PSMA6: variants seen among roughly 807,000 people sequenced by gnomAD.
PSMA6 encodes proteasome subunit alpha type-6.
For missense variants in PSMA6, 170 were observed against 294.8 expected (o/e 0.58, Z 3.10); for synonymous variants, 88 against 97.7 (o/e 0.90, Z 0.59).
chr14:35,282,823 C>CCAGCCTGGGCAACAGAGTGAGACCCACA lies in PSMA6; in HGVS notation c.19+4131_19+4158dup, dbSNP rs1467209147. Among the ~76,000 whole-genome samples the CCAGCCTGGGCAACAGAGTGAGACCCACA allele has an allele frequency of 7.2e-5, 11 of 151,902 alleles. No homozygotes were observed. The South Asian group carries it at 2.3e-3, about 32-fold the overall frequency. On this transcript the variant is annotated intron_variant, in intron 1 of 6. Coordinates refer to the PSMA6 transcript ENST00000540871. ...TGAGCCAAGATCGAGCCACTGCACT[C>CCAGCCTGGGCAACAGAGTGAGACCCACA]CAGCCTGGGCAACAGAGTGAGACCC...
At position 35,309,653 on chromosome 14, in the gene PSMA6, A is replaced by G. The variant is rs532145343; in HGVS notation, c.253+658A>G. On this transcript the variant is annotated intron_variant, in intron 3 of 6. Transcript: ENST00000261479. Reference sequence around the variant, plus strand: ...CCAAAAATACAAAAATTAGCTGGGCATGGTGGCGCACGCACACCTGTAATC... The same window carrying G: ...CCAAAAATACAAAAATTAGCTGGGCGTGGTGGCGCACGCACACCTGTAATC... 5.0e-4 allele frequency among the ~76,000 whole-genome samples: 76 copies of G among 152,314 alleles called. 1 individual carries two copies. Among genetic ancestry groups the G allele is most frequent in the South Asian group, 3.7e-3 (18 of 4,826 alleles).
At chr14:35,278,782 T>G in intron 1 of PSMA6, 1 of 1,505,326 alleles carries the variant, frequency 6.6e-7, no homozygotes, top group South Asian at 1.2e-5. Context: ...TGAAAATAAA[T>G]CATTCTTATA....
chr14:35,310,640 G>T, intron 3 of PSMA6, 100 bp from the exon 4 acceptor site: 1 of 1,169,638 alleles, frequency 8.5e-7, no homozygotes, highest in Non-Finnish European at 1.2e-6. Flanking sequence ...TTTAACTCAT[G>T]TATGTCTATA....
upstream of PSMA6, among the ~76,000 whole-genome samples, chr14:35,287,881 G>A (rs957217290): frequency 4.6e-5 from 7 of 152,048 alleles, no homozygotes; most frequent in African/African-American, 1.5e-4. Context: ...GCTGCTGCCC[G>A]GAGCCCGTTG....
At chr14:35,296,593 T>TTC (rs567866936) in intron 1 of PSMA6, among the ~76,000 whole-genome samples, 3 of 152,096 alleles carry the variant, frequency 2.0e-5, no homozygotes, top group Middle Eastern at 3.4e-3. Flanking sequence ...CCTCCCAAAG[T>TTC]TCTGGGATTA....
At chr14:35,292,222 CACTCAA>C (rs2051494304), upstream of PSMA6, 1 of 1,044,788 alleles carries the variant, frequency 9.6e-7, no homozygotes, top group Non-Finnish European at 1.3e-6. Context: ...CACGTCTATC[CACTCAA>C]GAGGCCTGCT....
At chr14:35,287,527 G>A (rs952603313), upstream of PSMA6, among the ~76,000 whole-genome samples, 2 of 152,106 alleles carry the variant, frequency 1.3e-5, no homozygotes, top group African/African-American at 4.8e-5. Flanking sequence ...CATGTCTGCA[G>A]TCTCTGGGAA....
At chr14:35,293,151 A>T (rs965579422) in intron 1 of PSMA6, 3 of 378,700 alleles carry the variant, frequency 7.9e-6, no homozygotes, top group African/African-American at 6.3e-5. Flanking sequence ...AGTTCAAGAC[A>T]TCTTTGGGAA....
At chr14:35,307,706 C>G (rs768021593) in intron 1 of PSMA6, among the ~76,000 whole-genome samples, 2 of 152,090 alleles carry the variant, frequency 1.3e-5, no homozygotes, top group Non-Finnish European at 2.9e-5. Flanking sequence ...TGCACTCCAG[C>G]CTGGGTGACA....
At chr14:35,292,661 A>G in intron 1 of PSMA6, 109 bp downstream of exon 1, 2 of 1,525,656 alleles carry the variant, frequency 1.3e-6, no homozygotes, top group African/African-American at 2.8e-5. Context: ...GCTGGGCTGG[A>G]GCTGGGAAGG....
At position 35,312,805 on chromosome 14, in the gene PSMA6, A is replaced by C. The variant is rs970822618; in HGVS notation, c.410-76A>C. 1.1e-5 allele frequency: 14 copies of C among 1,324,556 alleles called. No homozygotes were observed. The African/African-American group carries it at 2.0e-4, about 19-fold the overall frequency. The allele number at this position is 1,324,556 out of a possible 1,614,324, so 82.1% of individuals were successfully genotyped here. On this transcript the variant is annotated intron_variant, in intron 4 of 6. Transcript: ENST00000261479. ...GCCAAAGTCATGATTAGCAGCAGCT[A>C]TGTGACACCACCAAGAAAGAGGAGA...
In PSMA6 at chr14:35,310,840, T is replaced by G; in HGVS notation, c.354T>G (p.Ile118Met). 6.2e-7 allele frequency: 1 copy of G among 1,613,852 alleles called. No individual in the cohort carries two copies. The highest frequency in any genetic ancestry group is 8.5e-7 in the Non-Finnish European group (1 of 1,179,886). ...EIPVDMLCKR[I>M]ADISQVYTQN... ...CTGTGGACATGCTGTGTAAAAGAATTGCCGATATTTCTCAGGTCTACACAC... is the reference window on the plus strand; with the variant it reads ...CTGTGGACATGCTGTGTAAAAGAATGGCCGATATTTCTCAGGTCTACACAC... Residue 118 changes from isoleucine (I) to methionine (M), a missense_variant, in exon 4 of 7, where the codon ATT (isoleucine) becomes ATG (methionine). Ile to Met is a conservative substitution (Grantham distance 10). Transcript: ENST00000261479.
chr14:35,298,596 A>G (rs900657449), intron 1 of PSMA6, among the ~76,000 whole-genome samples: 3 of 152,196 alleles, frequency 2.0e-5, no homozygotes, highest in Non-Finnish European at 4.4e-5. Flanking sequence ...TAAGTTTCCA[A>G]AATTTTAGCC....
At chr14:35,313,223 G>T in intron 5 of PSMA6, 164 bp downstream of exon 5, 1 of 613,800 alleles carries the variant, frequency 1.6e-6, no homozygotes. Context: ...AATTTGAGTT[G>T]CTTTTATTCA....
chr14:35,303,901 ATTTC>A (rs771997257), intron 1 of PSMA6, among the ~76,000 whole-genome samples: 7 of 150,788 alleles, frequency 4.6e-5, no homozygotes, highest in Non-Finnish European at 8.8e-5. Context: ...GCTAGAGATA[ATTTC>A]TTTCTTTTTT....
intron 1 of PSMA6, 23 bp downstream of exon 1, chr14:35,292,575 T>C (rs1295980193): frequency 6.2e-7 from 1 of 1,611,126 alleles, no homozygotes; most frequent in African/African-American, 1.3e-5. Flanking sequence ...GGTTCGCCTG[T>C]GGGCCACCTG....
upstream of PSMA6, among the ~76,000 whole-genome samples, chr14:35,291,835 A>AG (rs1489990483): frequency 5.3e-5 from 8 of 150,786 alleles, no homozygotes; most frequent in Admixed American, 2.6e-4. Context: ...AAAAAAAAAA[A>AG]AAAAAAAAAA....
intron 6 of PSMA6, 151 bp from the exon 7 acceptor site, chr14:35,317,098 G>T: frequency 1.7e-6 from 1 of 604,284 alleles, no homozygotes; most frequent in South Asian, 2.1e-5. Flanking sequence ...AGATAAGTGT[G>T]TGTATAGATT....
At chr14:35,314,985 T>TGTGTG (rs1305929466) in intron 6 of PSMA6, 4 of 62,654 alleles carry the variant, frequency 6.4e-5, no homozygotes, top group African/African-American at 2.9e-4. Flanking sequence ...GTGTGTGTGT[T>TGTGTG]CTTACTCACT....
Sources: allele counts gnomAD v4.1 joint callset (sites outside exome capture counted in the v4.1 genomes callset), GRCh38; gene constraint gnomAD v4.1.1; transcripts MANE v1.5; gene names NCBI Gene and HGNC (gene_info 2026-07-23, HGNC 2026-07-21).